The following DHX35 variants were observed in gnomAD, a reference collection of about 807,000 sequenced individuals.
The protein encoded by DHX35 is probable ATP-dependent RNA helicase DHX35.
Under a neutral mutation model 99.6 loss-of-function variants are expected in DHX35, and 84 were observed. The ratio of observed to expected loss-of-function variants is 0.84; its 90% CI spans 0.71 to 1.01. The LOEUF is 1.01. Among genes scored for constraint, DHX35 ranks in the 50% least tolerant of loss-of-function variants. The pLI, the probability that DHX35 is intolerant of heterozygous loss-of-function variation, is 0.00. For synonymous variants in DHX35, 331 were observed against 316.2 expected (o/e 1.05, Z -0.50); for missense variants, 852 against 888.5 (o/e 0.96, Z 0.52).
At position 38,988,888 on chromosome 20, in the gene DHX35, T is replaced by C. The variant is rs1169742647; in HGVS notation, c.421T>C (p.Cys141Arg). 1 of 1,613,460 alleles carries C rather than the reference T, an allele frequency of 6.2e-7. No individual in the cohort carries two copies. The highest frequency in any genetic ancestry group is 1.3e-5 in the African/African-American group (1 of 74,896). Residue 141 changes from cysteine (C) to arginine (R), a missense_variant, in exon 5 of 22, where the codon TGC becomes CGC. Physicochemically the swap from Cys to Arg is radical, Grantham distance 180. Coordinates refer to ENST00000252011, the MANE Select transcript of DHX35 (RefSeq NM_021931.4). Reference protein sequence around the residue: ...EVGYCIRFDDCTDQLATRIKF... With the variant: ...EVGYCIRFDDRTDQLATRIKF... The stretch of plus-strand genomic sequence containing the variant: ...GGGCTACTGCATCCGCTTTGATGAC[T>C]GCACCGACCAGCTGGCCACGAGAAT...
chr20:39,027,585 ATTG>A (rs11467995), intron 18 of DHX35, among the ~76,000 whole-genome samples: 4,819 of 152,324 alleles, frequency 0.032, 108 homozygotes, highest in South Asian at 0.05. Context: ...ATTTTTATAT[ATTG>A]TTGATGGCTT....
chr20:39,015,835 G>C (rs769457884), intron 14 of DHX35, among the ~76,000 whole-genome samples: 3 of 152,034 alleles, frequency 2.0e-5, no homozygotes, highest in Admixed American at 6.6e-5. Flanking sequence ...CATTAGCGCC[G>C]AACTTCTCAT....
At chr20:39,018,511 G>A (rs1455592556) in intron 14 of DHX35, among the ~76,000 whole-genome samples, 1 of 151,596 alleles carries the variant, frequency 6.6e-6, no homozygotes, top group African/African-American at 2.4e-5. Context: ...TTGAGGAGAG[G>A]GTACAAGCAG....
Position 39,023,774 on chromosome 20 carries a change from A to G in DHX35, c.1671+7A>G. On this transcript the variant is annotated splice_region_variant and intron_variant, in intron 17 of 21. Coordinates refer to ENST00000252011, the MANE Select transcript of DHX35 (RefSeq NM_021931.4). ...ATATGAAGCATTTATCAAAGTAAGC[A>G]CAACTACTGCTCGAAGTGCCGCCTC... The G allele has an allele frequency of 1.2e-6, 2 of 1,612,970 alleles. No individual in the cohort carries two copies. Among genetic ancestry groups the G allele is most frequent in the African/African-American group, 1.3e-5 (1 of 75,044 alleles).
At chr20:39,021,306 C>T (rs1273366418) in intron 15 of DHX35, among the ~76,000 whole-genome samples, 6 of 152,056 alleles carry the variant, frequency 3.9e-5, no homozygotes, top group African/African-American at 7.2e-5. Flanking sequence ...GGAGCAGGTG[C>T]GGAGCTGACC....
intron 18 of DHX35, 66 bp downstream of exon 18, chr20:39,025,425 T>C (rs911112899): frequency 1.6e-5 from 25 of 1,580,014 alleles, no homozygotes; most frequent in Non-Finnish European, 2.2e-5. Flanking sequence ...CTTCCTAAAG[T>C]TCTCATGCTG....
chr20:38,989,097 C>CTTTTT (rs375064892), intron 5 of DHX35, among the ~76,000 whole-genome samples, 180 bp downstream of exon 5: 1 of 125,330 alleles, frequency 8.0e-6, no homozygotes, highest in African/African-American at 3.0e-5. Context: ...TTCCTTTTTT[C>CTTTTT]TTTTTTTTTT....
intron 8 of DHX35, among the ~76,000 whole-genome samples, chr20:39,000,923 T>C (rs1380896072): frequency 6.6e-6 from 1 of 152,114 alleles, no homozygotes; most frequent in Admixed American, 6.5e-5. Flanking sequence ...GTCACTTAGC[T>C]CTTCTCAGTC....
In DHX35 at chr20:39,003,746, T is replaced by C. The variant is rs373805042; in HGVS notation, c.853-3T>C. Reference sequence around the variant, plus strand: ...TCTTTGGTTCCTGGTTCAACGTCTTTAGGAAGAGGTAGAAACTGTTGTGTC... The same window carrying C: ...TCTTTGGTTCCTGGTTCAACGTCTTCAGGAAGAGGTAGAAACTGTTGTGTC... On this transcript the variant is annotated splice_polypyrimidine_tract_variant and splice_region_variant and intron_variant, in intron 10 of 21. Transcript: ENST00000252011. The C allele has an allele frequency of 6.6e-5, 106 of 1,607,378 alleles. 1 individual carries two copies. The South Asian group carries it at 1.1e-3, about 17-fold the overall frequency.
In DHX35 at chr20:39,021,932, C is replaced by T. The variant is rs141540547; in HGVS notation, c.1590C>T (p.His530=). 1.2e-3 allele frequency: 1,912 copies of T among 1,614,088 alleles called. 3 individuals carry two copies. The highest frequency in any genetic ancestry group is 1.4e-3 in the Non-Finnish European group (1,664 of 1,179,936). The part of the protein sequence containing the change: ...IFVVPPNQKS[H]AIRVHRKFAV... The stretch of plus-strand genomic sequence containing the variant: ...TGGTCCCCCCAAACCAGAAGTCTCA[C>T]GCAGTAAGTCAGCTCTGTCCCCAGG... The change falls in exon 16 of 22, where the codon CAC becomes CAT. Residue 530 remains histidine (H), a synonymous_variant. Transcript: ENST00000252011.
chr20:39,006,249 C>T lies in DHX35; in HGVS notation c.1115C>T (p.Thr372Ile). ...FVKLRAYNPR[T>I]AIECLVVVPV... ...AAACTCCGAGCCTACAATCCCAGGA[C>T]AGCTATTGAATGCTTGGTGGTGGTG... Residue 372 changes from threonine to isoleucine, a missense_variant, in exon 12 of 22, where the codon ACA becomes ATA. By Grantham distance (89) the Thr-to-Ile change is moderately conservative (BLOSUM62 -1). Coordinates refer to ENST00000252011, the MANE Select transcript of DHX35 (RefSeq NM_021931.4). 6.2e-7 allele frequency: 1 copy of T among 1,614,158 alleles called. No individual in the cohort carries two copies.
At chr20:39,010,142 A>G (rs760949118) in intron 12 of DHX35, 138 bp from the exon 13 acceptor site, 2 of 1,092,450 alleles carry the variant, frequency 1.8e-6, no homozygotes, top group Non-Finnish European at 1.4e-6. Flanking sequence ...ATAACTTTAT[A>G]TCATGGTATC....
chr20:38,991,267 G>A (rs1375625035), intron 5 of DHX35, among the ~76,000 whole-genome samples, 187 bp from the exon 6 acceptor site: 1 of 152,178 alleles, frequency 6.6e-6, no homozygotes, highest in African/African-American at 2.4e-5. Context: ...TGAGGACCCT[G>A]TGTTTAAAGC....
intron 17 of DHX35, 93 bp from the exon 18 acceptor site, chr20:39,025,137 A>G: frequency 7.0e-7 from 1 of 1,419,906 alleles, no homozygotes; most frequent in African/African-American, 1.4e-5. Flanking sequence ...GTTGAACAGC[A>G]CATGGGGGAA....
intron 17 of DHX35, among the ~76,000 whole-genome samples, chr20:39,024,545 T>A (rs2086922237): frequency 6.6e-6 from 1 of 152,262 alleles, no homozygotes; most frequent in Non-Finnish European, 1.5e-5. Flanking sequence ...AATTCATTTG[T>A]ACAGGCACAA....
intron 8 of DHX35, among the ~76,000 whole-genome samples, chr20:38,998,789 G>A (rs1035757503): frequency 6.6e-6 from 1 of 152,176 alleles, no homozygotes; most frequent in South Asian, 2.1e-4. Flanking sequence ...CTCAGTAAAT[G>A]CTGAGTCTTA....
intron 3 of DHX35, among the ~76,000 whole-genome samples, chr20:38,975,448 A>G (rs2086061725): frequency 1.3e-5 from 2 of 152,232 alleles, no homozygotes; most frequent in Non-Finnish European, 2.9e-5. Flanking sequence ...GATTTTACAC[A>G]TGTTGATCTG....
At chr20:38,994,597 A>G (rs2086395167) in intron 7 of DHX35, among the ~76,000 whole-genome samples, 1 of 149,708 alleles carries the variant, frequency 6.7e-6, no homozygotes, top group South Asian at 2.1e-4. Flanking sequence ...GGAAAATTGC[A>G]TACATTTACA....
chr20:38,972,004 G>GTTTTTTT (rs752049458), intron 2 of DHX35, among the ~76,000 whole-genome samples: 33 of 81,030 alleles, frequency 4.1e-4, no homozygotes, highest in Admixed American at 9.5e-4. Flanking sequence ...GTTTTGTTTT[G>GTTTTTTT]TTTTTTTTTT....
Sources: allele counts gnomAD v4.1 joint callset (sites outside exome capture counted in the v4.1 genomes callset), GRCh38; gene constraint gnomAD v4.1.1; transcripts MANE v1.5; gene names NCBI Gene and HGNC (gene_info 2026-07-23, HGNC 2026-07-21).